The following CAPN8 variants were observed in gnomAD, a reference collection of about 807,000 sequenced individuals.
CAPN8 encodes the protein calpain-8.
In CAPN8, 87 loss-of-function variants were observed where a neutral mutation model predicts 80.9. The observed-to-expected ratio is 1.07, with a 90% CI of 0.90 to 1.28. CAPN8 has a LOEUF of 1.28. Ranked by LOEUF, CAPN8 falls within the 50% of genes most tolerant of loss-of-function variation. CAPN8 has a pLI of 0.00. For missense variants in CAPN8, 757 were observed against 702.0 expected, an observed-to-expected ratio of 1.08 and a Z score of -0.89; for synonymous variants, 299 against 273.8, an observed-to-expected ratio of 1.09 and a Z score of -0.91.
chr1:223,621,268 A>G (rs1372758823), intron 7 of CAPN8, among the ~76,000 whole-genome samples: 1 of 144,276 alleles, frequency 6.9e-6, no homozygotes, highest in Non-Finnish European at 1.5e-5. Context: ...TTTAAGTAAA[A>G]TCTCACTAAT....
chr1:223,649,897 C>G (rs1288469855), intron 2 of CAPN8, among the ~76,000 whole-genome samples: 1 of 152,098 alleles, frequency 6.6e-6, no homozygotes, highest in Non-Finnish European at 1.5e-5. Context: ...TATTACCATC[C>G]CCCTCCACCC....
intron 2 of CAPN8, among the ~76,000 whole-genome samples, chr1:223,645,963 C>T (rs971237670): frequency 2.6e-5 from 4 of 152,178 alleles, no homozygotes; most frequent in African/African-American, 9.7e-5. Flanking sequence ...CATTCCATTC[C>T]CTAAGCCAGC....
chr1:223,625,806 T>C lies in CAPN8; in HGVS notation c.812A>G (p.Glu271Gly). 1.3e-6 allele frequency: 2 copies of C among 1,549,804 alleles called. No individual in the cohort carries two copies. The highest frequency in any genetic ancestry group is 1.7e-6 in the Non-Finnish European group (2 of 1,145,314). Reference sequence around the variant, plus strand: ...TCCCCACCTTCCACACAATTTTACCTCTTCGACTCCAGTGACAGAGTACGC... The same window carrying C: ...TCCCCACCTTCCACACAATTTTACCCCTTCGACTCCAGTGACAGAGTACGC... Reference protein sequence around the residue: ...SHAYSVTGVEEVNFQGHPEKL... With the variant: ...SHAYSVTGVEGVNFQGHPEKL... Residue 271 changes from glutamate to glycine, a missense_variant and splice_region_variant, in exon 6 of 21, where the codon GAG becomes GGG. Physicochemically the swap from Glu to Gly is moderately conservative, Grantham distance 98. Coordinates refer to ENST00000366872, the MANE Select transcript of CAPN8 (RefSeq NM_001143962.2).
intron 10 of CAPN8, among the ~76,000 whole-genome samples, 176 bp from the exon 11 acceptor site, chr1:223,612,433 A>C (rs1415516248): frequency 6.6e-6 from 1 of 152,062 alleles, no homozygotes; most frequent in Non-Finnish European, 1.5e-5. Context: ...ACTACTGATG[A>C]ATTTCAAGGC....
rs770514636 is a variant in CAPN8, at chr1:223,616,044, G to A, written c.1237C>T (p.Leu413=). The change falls in exon 10 of 21, where the codon CTG becomes TTG. Residue 413 remains leucine, a synonymous_variant. Transcript: ENST00000366872. ...CGCCACCTGCGATTTTTCTGCATCA[G>A]GCCCAGCAGCACTGTACAGCAGGGT... ...GEPCCTVLLG[L]MQKNRRWRKR... 1.3e-6 allele frequency: 2 copies of A among 1,552,326 alleles called. No individual in the cohort carries two copies.
intron 5 of CAPN8, among the ~76,000 whole-genome samples, chr1:223,626,374 T>A: frequency 6.6e-6 from 1 of 152,134 alleles, no homozygotes. Context: ...AGGGAGGATC[T>A]TCTCACTTTG....
chr1:223,556,439 A>C (rs970489046), intron 13 of CAPN8, among the ~76,000 whole-genome samples: 27 of 152,200 alleles, frequency 1.8e-4, no homozygotes, highest in Non-Finnish European at 2.9e-4. Flanking sequence ...CTCCATAGCC[A>C]TGTCCTAGTA....
At chr1:223,657,064 A>G (rs936112063) in intron 1 of CAPN8, among the ~76,000 whole-genome samples, 3 of 152,188 alleles carry the variant, frequency 2.0e-5, no homozygotes, top group Admixed American at 6.5e-5. Context: ...TAAAAGTACC[A>G]TAAGTTATTT....
rs780069257 is a variant in CAPN8 at position 223,622,854 on chromosome 1, G to C, written c.860C>G (p.Pro287Arg). 6.4e-7 allele frequency: 1 copy of C among 1,551,700 alleles called. No homozygotes were observed. Among genetic ancestry groups the C allele is most frequent in the South Asian group, 1.2e-5 (1 of 84,050 alleles). The part of the protein sequence containing the change: ...HPEKLIRLRN[P>R]WGEVEWSGAW... Reference sequence around the variant, plus strand: ...TCCCGACCACTCCACTTCACCCCATGGATTCCTGAGTCTGATCAGCTTCTC... The same window carrying C: ...TCCCGACCACTCCACTTCACCCCATCGATTCCTGAGTCTGATCAGCTTCTC... The change falls in exon 7 of 21, where the codon CCA becomes CGA. Residue 287 changes from proline (P) to arginine (R), a missense_variant. Coordinates refer to ENST00000366872, the MANE Select transcript of CAPN8 (RefSeq NM_001143962.2).
chr1:223,648,854 C>A (rs1017408617), intron 2 of CAPN8, among the ~76,000 whole-genome samples: 1 of 152,104 alleles, frequency 6.6e-6, no homozygotes, highest in African/African-American at 2.4e-5. Context: ...CACAAACACA[C>A]GGAGTATAAG....
At chr1:223,620,929 T>C (rs1657369681) in intron 7 of CAPN8, among the ~76,000 whole-genome samples, 1 of 150,752 alleles carries the variant, frequency 6.6e-6, no homozygotes, top group Non-Finnish European at 1.5e-5. Context: ...AATATGTATG[T>C]GACATCTAAG....
chr1:223,545,260 T>C lies in CAPN8; in HGVS notation c.1804A>G (p.Thr602Ala). ...TACTTCTGAATCTTCAGCCAGAGCG[T>C]CTTGAATTCCACCGCCCCCAAAGTG... Reference protein sequence around the residue: ...TGTLGAVEFKTLWLKIQKYLE... With the variant: ...TGTLGAVEFKALWLKIQKYLE... Residue 602 changes from threonine to alanine, a missense_variant, in exon 17 of 21, where the codon ACG becomes GCG. By Grantham distance (58) the Thr-to-Ala change is moderately conservative (BLOSUM62 0). Coordinates refer to ENST00000366872, the MANE Select transcript of CAPN8 (RefSeq NM_001143962.2). 2 of 1,551,654 alleles carry C rather than the reference T, an allele frequency of 1.3e-6. No individual in the cohort carries two copies. The highest frequency in any genetic ancestry group is 1.7e-6 in the Non-Finnish European group (2 of 1,146,960).
chr1:223,615,712 T>G, intron 10 of CAPN8: 1 of 594,296 alleles, frequency 1.7e-6, no homozygotes, highest in Non-Finnish European at 3.2e-6. Context: ...ACATGTACAC[T>G]GAGCCCTCAA....
Position 223,654,346 on chromosome 1 carries a change from A to T in CAPN8, c.291T>A (p.Ile97=). The change falls in exon 2 of 21, where the codon ATT becomes ATA. Residue 97 remains isoleucine, a synonymous_variant. Transcript: ENST00000366872. ...GTTACTCACCTAGACCACCCTGACA[A>T]ATGTCTGTGCGCGTGGCTCCACCAA... ...FIVGGATRTD[I]CQGGLGDCWL... 6.4e-7 allele frequency: 1 copy of T among 1,551,662 alleles called. No homozygotes were observed. The highest frequency in any genetic ancestry group is 8.7e-7 in the Non-Finnish European group (1 of 1,146,970).
Position 223,622,615 on chromosome 1 carries a change from C to T in CAPN8, c.899+200G>A, listed in dbSNP as rs142731000. The T allele has an allele frequency of 5.5e-4, 312 of 565,784 alleles. 1 individual carries two copies. In the African/African-American group the frequency reaches 5.5e-3, roughly 10 times the overall value. 35.0% of individuals were successfully genotyped at this position (565,784 alleles called of 1,614,324 possible). A position where few individuals can be genotyped will look rare whatever the true frequency, so the allele number is the denominator to read the frequency against. On this transcript the variant is annotated intron_variant, in intron 7 of 20. Transcript: ENST00000366872. The stretch of plus-strand genomic sequence containing the variant: ...AAATGCCAAAGCAGAAAGCCAGAAT[C>T]GAAGACTACAGCCCAGTGGTTTTTA...
At chr1:223,549,202 C>A in intron 16 of CAPN8, 116 bp downstream of exon 16, 1 of 1,245,548 alleles carries the variant, frequency 8.0e-7, no homozygotes, top group Non-Finnish European at 1.1e-6. Flanking sequence ...TCCATGCCTG[C>A]TCTCTCCCCT....
At chr1:223,634,582 C>A (rs1189612011) in intron 2 of CAPN8, among the ~76,000 whole-genome samples, 1 of 152,166 alleles carries the variant, frequency 6.6e-6, no homozygotes, top group Non-Finnish European at 1.5e-5. Context: ...TTAGAAACAA[C>A]AACACAAGTC....
intron 12 of CAPN8, 21 bp downstream of exon 12, chr1:223,609,132 C>A: frequency 2.5e-6 from 1 of 398,276 alleles, no homozygotes; most frequent in South Asian, 1.3e-4. Flanking sequence ...TGTTCCCCAC[C>A]ACGGAGGGAA....
At chr1:223,545,819 A>C (rs976418158) in intron 16 of CAPN8, among the ~76,000 whole-genome samples, 1 of 126,264 alleles carries the variant, frequency 7.9e-6, no homozygotes, top group Non-Finnish European at 1.6e-5. Flanking sequence ...TTCACTCCAC[A>C]ACTTTTTTTT....
Sources: allele counts gnomAD v4.1 joint callset (sites outside exome capture counted in the v4.1 genomes callset), GRCh38; gene constraint gnomAD v4.1.1; transcripts MANE v1.5; gene names NCBI Gene and HGNC (gene_info 2026-07-23, HGNC 2026-07-21).